The following SAMMSON variants were observed in gnomAD, a reference collection of about 807,000 sequenced individuals.
SAMMSON encodes long intergenic non-protein coding RNA 1212.
chr3:70,431,206 T>G (rs1701410066), intron 2 of SAMMSON, among the ~76,000 whole-genome samples: 1 of 152,118 alleles, frequency 6.6e-6, no homozygotes, highest in South Asian at 2.1e-4. Context: ...TCAGTGAAAA[T>G]GGAGCCCTCA....
At chr3:70,378,012 G>A (rs184874706) in intron 9 of SAMMSON, among the ~76,000 whole-genome samples, 106 of 151,994 alleles carry the variant, frequency 7.0e-4, no homozygotes, top group Non-Finnish European at 1.2e-3. Context: ...TGGTATACAC[G>A]TTAAAAAGGT....
chr3:70,350,972 T>A (rs1194019419), intron 7 of SAMMSON, among the ~76,000 whole-genome samples: 1 of 152,172 alleles, frequency 6.6e-6, no homozygotes, highest in Non-Finnish European at 1.5e-5. Flanking sequence ...ATGAGCTTAA[T>A]GTGTTATATG....
chr3:70,018,758 T>C (rs2107579900), intron 3 of SAMMSON, among the ~76,000 whole-genome samples: 1 of 152,256 alleles, frequency 6.6e-6, no homozygotes, highest in East Asian at 1.9e-4. Context: ...TTTGAATGTG[T>C]CCCAGAGATT....
chr3:70,369,945 C>G (rs1702953032), intron 9 of SAMMSON, among the ~76,000 whole-genome samples: 2 of 151,820 alleles, frequency 1.3e-5, no homozygotes, highest in African/African-American at 4.8e-5. Context: ...TACCCATTAA[C>G]CAACCTCTCT....
intron 6 of SAMMSON, among the ~76,000 whole-genome samples, chr3:70,259,763 C>G (rs370998467): frequency 6.6e-6 from 1 of 152,142 alleles, no homozygotes; most frequent in South Asian, 2.1e-4. Flanking sequence ...TGTTTTCATA[C>G]CGGTATAAAA....
chr3:70,179,740 C>T (rs1701036277), intron 4 of SAMMSON, among the ~76,000 whole-genome samples: 1 of 152,072 alleles, frequency 6.6e-6, no homozygotes, highest in African/African-American at 2.4e-5. Context: ...TTTAAATTGC[C>T]TCTGGACATT....
chr3:70,291,768 C>T (rs1702241845), intron 7 of SAMMSON: 1 of 152,218 alleles, frequency 6.6e-6, no homozygotes, highest in Non-Finnish European at 1.5e-5. Flanking sequence ...CTTTTCCCCT[C>T]ATGTAATAGA....
intron 7 of SAMMSON, among the ~76,000 whole-genome samples, chr3:70,328,343 T>C (rs956340744): frequency 2.0e-5 from 3 of 152,050 alleles, no homozygotes; most frequent in African/African-American, 7.2e-5. Flanking sequence ...AGAAAATCAA[T>C]CATTAGAAAT....
intron 7 of SAMMSON, among the ~76,000 whole-genome samples, chr3:70,352,344 A>G (rs1218195627): frequency 6.6e-6 from 1 of 152,142 alleles, no homozygotes; most frequent in African/African-American, 2.4e-5. Flanking sequence ...CATGGAAGCT[A>G]GCAGGAAATG....
At chr3:70,145,058 C>T (rs2067542254) in intron 4 of SAMMSON, among the ~76,000 whole-genome samples, 1 of 152,118 alleles carries the variant, frequency 6.6e-6, no homozygotes, top group African/African-American at 2.4e-5. Flanking sequence ...TCTCCCCTTA[C>T]CTCCTGCTTT....
chr3:70,281,662 T>C (rs924085227), intron 6 of SAMMSON, among the ~76,000 whole-genome samples: 1 of 152,146 alleles, frequency 6.6e-6, no homozygotes, highest in Non-Finnish European at 1.5e-5. Flanking sequence ...TGCACGATGG[T>C]TCTTCTCCCT....
At chr3:70,060,522 C>T (rs2067183690) in intron 3 of SAMMSON, among the ~76,000 whole-genome samples, 1 of 152,142 alleles carries the variant, frequency 6.6e-6, no homozygotes, top group Non-Finnish European at 1.5e-5. Context: ...TCTGAGCAAA[C>T]TTTTCTGCTA....
At chr3:70,410,879 C>T (rs986169109) in intron 2 of SAMMSON, among the ~76,000 whole-genome samples, 2 of 152,126 alleles carry the variant, frequency 1.3e-5, no homozygotes, top group African/African-American at 4.8e-5. Flanking sequence ...TGTCTCTTTT[C>T]ACTGAAACCC....
rs370797801 is a variant in SAMMSON at position 70,303,384 on chromosome 3, C to T, written n.739+12141C>T. Among the ~76,000 whole-genome samples the T allele has an allele frequency of 1.5e-3, 222 of 152,170 alleles. 3 individuals are homozygous for T. The highest frequency in any genetic ancestry group is 5.2e-3 in the African/African-American group (216 of 41,528). Reference sequence around the variant, plus strand: ...TGAGCTTTCTTCCTTGGGACTTGGACTCTTAAGGAGGAGAATAGGAGGAAA... The same window carrying T: ...TGAGCTTTCTTCCTTGGGACTTGGATTCTTAAGGAGGAGAATAGGAGGAAA... On this transcript the variant is annotated intron_variant and non_coding_transcript_variant, in intron 7 of 9. Coordinates refer to ENST00000642114, the Ensembl canonical transcript of SAMMSON.
intron 9 of SAMMSON, among the ~76,000 whole-genome samples, chr3:70,360,272 G>A (rs1702861921): frequency 6.6e-6 from 1 of 152,074 alleles, no homozygotes; most frequent in Admixed American, 6.6e-5. Flanking sequence ...AACTAGTAAA[G>A]TGCCAAGTTT....
In SAMMSON at chr3:70,019,160, G is replaced by C. The variant is rs182472153; in HGVS notation, n.417+5488G>C. ...CTTGTTAACTTTCTGTCTCGTTGAT[G>C]TGTCTAATGTTGACAGTGGGGTGTT... On this transcript the variant is annotated intron_variant and non_coding_transcript_variant, in intron 3 of 9. Coordinates refer to ENST00000642114, the Ensembl canonical transcript of SAMMSON. 4.2e-3 allele frequency among the ~76,000 whole-genome samples: 641 copies of C among 152,166 alleles called. 3 individuals carry two copies. The highest frequency in any genetic ancestry group is 6.8e-3 in the Middle Eastern group (2 of 294).
chr3:70,078,152 T>G (rs2067255592), intron 4 of SAMMSON, among the ~76,000 whole-genome samples: 1 of 152,142 alleles, frequency 6.6e-6, no homozygotes, highest in African/African-American at 2.4e-5. Flanking sequence ...TAGAAGGAAC[T>G]TCTGGTTGGA....
intron 3 of SAMMSON, among the ~76,000 whole-genome samples, chr3:70,057,629 C>T (rs1173949445): frequency 1.3e-5 from 2 of 151,722 alleles, no homozygotes; most frequent in Non-Finnish European, 2.9e-5. Flanking sequence ...CCAAGCTATA[C>T]ATATGCATAT....
At chr3:70,289,764 T>C (rs1472801485) in intron 6 of SAMMSON, among the ~76,000 whole-genome samples, 2 of 152,166 alleles carry the variant, frequency 1.3e-5, no homozygotes, top group African/African-American at 4.8e-5. Context: ...CGTTTCTTTT[T>C]ATTCTTTTTT....
Sources: allele counts gnomAD v4.1 joint callset (sites outside exome capture counted in the v4.1 genomes callset), GRCh38; gene constraint gnomAD v4.1.1; transcripts MANE v1.5; gene names NCBI Gene and HGNC (gene_info 2026-07-23, HGNC 2026-07-21).